The following STARD13 variants were observed in gnomAD, a reference collection of about 807,000 sequenced individuals.
The protein encoded by STARD13 is StAR related lipid transfer domain containing 13.
Under a neutral mutation model 106.4 loss-of-function variants are expected in STARD13, and 62 were observed. That is an observed-to-expected ratio of 0.58 (90% CI 0.48 to 0.72). The LOEUF is 0.72. Ranked by LOEUF, STARD13 falls within the 30% of genes least tolerant of loss-of-function variation. The pLI, the probability that STARD13 is intolerant of heterozygous loss-of-function variation, is 0.00. For synonymous variants in STARD13, 565 were observed against 553.0 expected, an observed-to-expected ratio of 1.02 and a Z score of -0.31; for missense variants, 1,387 against 1,424.0, an observed-to-expected ratio of 0.97 and a Z score of 0.42.
the STARD13 span, among the ~76,000 whole-genome samples, chr13:33,635,396 A>T: frequency 1.3e-5 from 2 of 152,206 alleles, no homozygotes; most frequent in African/African-American, 4.8e-5. Context: ...GTGGTGGCTC[A>T]CGCCTGTAAT....
At chr13:33,484,616 A>G in the STARD13 span, among the ~76,000 whole-genome samples, 2 of 151,854 alleles carry the variant, frequency 1.3e-5, no homozygotes, top group Non-Finnish European at 2.9e-5. Flanking sequence ...CCTTTAAAAA[A>G]CCCTCACTTC....
chr13:33,242,373 A>G (rs1889569771), intron 1 of STARD13, among the ~76,000 whole-genome samples: 1 of 152,214 alleles, frequency 6.6e-6, no homozygotes, highest in Non-Finnish European at 1.5e-5. Flanking sequence ...AGAAAGAAGT[A>G]GACATAGGAG....
the STARD13 span, among the ~76,000 whole-genome samples, chr13:33,639,572 T>C: frequency 6.6e-6 from 1 of 152,194 alleles, no homozygotes; most frequent in Non-Finnish European, 1.5e-5. Context: ...GGTGTTAAAT[T>C]ATGTTTAGCC....
intron 3 of STARD13, among the ~76,000 whole-genome samples, chr13:33,143,024 C>G (rs1197676243): frequency 6.6e-6 from 1 of 152,218 alleles, no homozygotes; most frequent in East Asian, 1.9e-4. Flanking sequence ...CTCCCTCTCT[C>G]TCTCTGCATG....
the STARD13 span, among the ~76,000 whole-genome samples, chr13:33,608,933 A>G: frequency 6.6e-6 from 1 of 151,774 alleles, no homozygotes; most frequent in Non-Finnish European, 1.5e-5. Context: ...AAAAATACAA[A>G]AAATTAGCCG....
At chr13:33,595,380 A>T in the STARD13 span, among the ~76,000 whole-genome samples, 33 of 152,202 alleles carry the variant, frequency 2.2e-4, no homozygotes, top group Non-Finnish European at 4.6e-4. Flanking sequence ...AGCAATCCAC[A>T]TTGTCTCACT....
the STARD13 span, among the ~76,000 whole-genome samples, chr13:33,611,996 G>T: frequency 2.6e-5 from 4 of 152,098 alleles, no homozygotes; most frequent in East Asian, 7.7e-4. Flanking sequence ...GAACACAAAA[G>T]GAATAAAGAA....
the STARD13 span, among the ~76,000 whole-genome samples, chr13:33,466,699 A>G: frequency 5.9e-5 from 9 of 152,216 alleles, no homozygotes; most frequent in Non-Finnish European, 1.2e-4. Context: ...ATTGAAGTTA[A>G]AAAAACAGTA....
chr13:33,183,775 C>T (rs1444328281), intron 1 of STARD13, among the ~76,000 whole-genome samples: 2 of 152,124 alleles, frequency 1.3e-5, no homozygotes, highest in African/African-American at 4.8e-5. Flanking sequence ...AGGAATGAGG[C>T]CTGGTCCAGT....
rs7326451 is a variant in STARD13, at chr13:33,301,148, C to T, written c.124+49142G>A. ...GGTAGGGACCATGTGTCTTTCTGCTCATTATTGTATCACAGCATTTAGTCC... is the reference window on the plus strand; with the variant it reads ...GGTAGGGACCATGTGTCTTTCTGCTTATTATTGTATCACAGCATTTAGTCC... On this transcript the variant is annotated intron_variant, in intron 1 of 5. Transcript: ENST00000567873. Among the ~76,000 whole-genome samples the T allele has an allele frequency of 8.9e-3, 1,354 of 152,362 alleles. 17 individuals carry two copies. The highest frequency in any genetic ancestry group is 0.031 in the African/African-American group (1,279 of 41,586).
intron 1 of STARD13, among the ~76,000 whole-genome samples, chr13:33,210,662 C>T: frequency 6.6e-6 from 1 of 152,162 alleles, no homozygotes; most frequent in Non-Finnish European, 1.5e-5. Flanking sequence ...CTTTGATTAA[C>T]CACAAATCAA....
intron 7 of STARD13, among the ~76,000 whole-genome samples, chr13:33,121,400 C>CT (rs1876279001): frequency 6.6e-6 from 1 of 151,844 alleles, no homozygotes; most frequent in African/African-American, 2.4e-5. Context: ...AACCTCGTCT[C>CT]TACTAAAAAA....
the STARD13 span, among the ~76,000 whole-genome samples, chr13:33,655,675 C>T: frequency 6.6e-6 from 1 of 152,126 alleles, no homozygotes; most frequent in Admixed American, 6.5e-5. Context: ...GTGTCTTTTC[C>T]ATCTTTGACT....
the STARD13 span, among the ~76,000 whole-genome samples, chr13:33,496,920 T>C: frequency 6.6e-6 from 1 of 152,274 alleles, no homozygotes; most frequent in South Asian, 2.1e-4. Context: ...CTCTCTGTTT[T>C]GTTGCAATTA....
chr13:33,115,996 G>A lies in STARD13; in HGVS notation c.2281+2069C>T, dbSNP rs756161706. Among the ~76,000 whole-genome samples the A allele has an allele frequency of 3.3e-5, 5 of 152,190 alleles. No homozygotes were observed. The East Asian group carries it at 5.8e-4, about 18-fold the overall frequency. On this transcript the variant is annotated intron_variant, in intron 8 of 13. Coordinates refer to ENST00000336934, the MANE Select transcript of STARD13 (RefSeq NM_178006.4). ...TAAATGACTGTTCAAATGACTGTTC[G>A]TTGGATATTTGGTTCTGTCTTTACA...
At chr13:33,589,524 A>G in the STARD13 span, among the ~76,000 whole-genome samples, 1 of 152,202 alleles carries the variant, frequency 6.6e-6, no homozygotes, top group Non-Finnish European at 1.5e-5. Flanking sequence ...GTTTCGAAGA[A>G]CATCTTTATT....
chr13:33,148,595 G>A (rs1184399015), intron 3 of STARD13, among the ~76,000 whole-genome samples: 3 of 152,180 alleles, frequency 2.0e-5, no homozygotes, highest in Admixed American at 2.0e-4. Context: ...GGAATGTGGA[G>A]CAACAGAAAC....
the STARD13 span, among the ~76,000 whole-genome samples, chr13:33,481,677 T>C: frequency 6.6e-6 from 1 of 152,156 alleles, no homozygotes; most frequent in African/African-American, 2.4e-5. Context: ...GTCAAATCCA[T>C]AAATTAAAAG....
the STARD13 span, among the ~76,000 whole-genome samples, chr13:33,635,517 G>A: frequency 0.11 from 16,363 of 151,930 alleles, 1,930 homozygotes; most frequent in African/African-American, 0.26. Context: ...AAAATTAGCC[G>A]GGTGTGGTGG....
Sources: gnomAD v4.1 joint callset for allele counts (sites outside exome capture counted in the v4.1 genomes callset) on GRCh38, gnomAD v4.1.1 for gene constraint, MANE v1.5 for transcripts, NCBI Gene and HGNC (gene_info 2026-07-23, HGNC 2026-07-21) for gene names.